PRDM16: variants seen among roughly 807,000 people sequenced by gnomAD.
PRDM16 encodes PR/SET domain 16.
PRDM16 carries 23 observed loss-of-function variants against 110.6 expected under a neutral mutation model. The ratio of observed to expected loss-of-function variants is 0.21; its 90% CI spans 0.15 to 0.29. The LOEUF (loss-of-function observed/expected upper bound fraction) is 0.29. Among genes scored for constraint, PRDM16 ranks in the 10% least tolerant of loss-of-function variants. PRDM16 has a pLI of 1.00. For synonymous variants in PRDM16, 799 were observed against 781.8 expected (o/e 1.02, Z -0.37); for missense variants, 1,615 against 1,794.3 (o/e 0.90, Z 1.81).
chr1:3,273,304 C>A (rs930721102), intron 3 of PRDM16, among the ~76,000 whole-genome samples: 1 of 152,174 alleles, frequency 6.6e-6, no homozygotes, highest in African/African-American at 2.4e-5. Context: ...GCCTGTTCTG[C>A]CATTCGAGGT....
rs111593284 is a variant in PRDM16, at chr1:3,327,358, C to T, written c.439-57794C>T. On this transcript the variant is annotated intron_variant, in intron 3 of 16. Transcript: ENST00000270722. ...AAGCCTGGAGCTCTGCAGCAGCCCT[C>T]GGGGGGTCCTGCCCCCTCTGCCTCC... 4.5e-3 allele frequency among the ~76,000 whole-genome samples: 681 copies of T among 152,208 alleles called. 21 individuals carry two copies. The East Asian group carries it at 0.073, about 16-fold the overall frequency.
chr1:3,317,002 A>C (rs1027275955), intron 3 of PRDM16, among the ~76,000 whole-genome samples: 20 of 152,166 alleles, frequency 1.3e-4, no homozygotes, highest in African/African-American at 4.3e-4. Flanking sequence ...AAGCAGTGAC[A>C]TGGGGTAGCC....
intron 3 of PRDM16, among the ~76,000 whole-genome samples, chr1:3,260,953 A>T (rs1345282168): frequency 2.0e-5 from 3 of 151,002 alleles, no homozygotes; most frequent in African/African-American, 7.3e-5. Context: ...CTCCATCATC[A>T]ACCAGCGTGA....
chr1:3,304,880 C>G (rs1402064557), intron 3 of PRDM16, among the ~76,000 whole-genome samples: 7 of 152,160 alleles, frequency 4.6e-5, no homozygotes, highest in African/African-American at 1.7e-4. Flanking sequence ...GGTGGCCTCC[C>G]AGGTGGACCC....
chr1:3,123,481 A>T (rs1386818000), intron 1 of PRDM16, among the ~76,000 whole-genome samples: 1 of 152,112 alleles, frequency 6.6e-6, no homozygotes, highest in East Asian at 1.9e-4. Flanking sequence ...TTCCTGGAGG[A>T]GGGGGCAGCC....
At chr1:3,335,512 T>A (rs1642125546) in intron 3 of PRDM16, among the ~76,000 whole-genome samples, 1 of 151,916 alleles carries the variant, frequency 6.6e-6, no homozygotes, top group Non-Finnish European at 1.5e-5. Flanking sequence ...TTATTTCTTT[T>A]AACTTTTGAC....
chr1:3,231,912 G>A (rs1245725310), intron 2 of PRDM16, among the ~76,000 whole-genome samples: 1 of 152,236 alleles, frequency 6.6e-6, no homozygotes, highest in African/African-American at 2.4e-5. Flanking sequence ...CAGTTGCATG[G>A]ACGTTGCAAG....
chr1:3,267,680 C>T (rs1484866472), intron 3 of PRDM16, among the ~76,000 whole-genome samples: 2 of 152,222 alleles, frequency 1.3e-5, no homozygotes, highest in Admixed American at 1.3e-4. Flanking sequence ...GCTGAAGGGG[C>T]GGCCCCTCCC....
intron 8 of PRDM16, among the ~76,000 whole-genome samples, chr1:3,409,667 G>A (rs2493297): frequency 0.4 from 60,352 of 151,376 alleles, 12,400 homozygotes; most frequent in Middle Eastern, 0.53. Context: ...TGGTGTGCGT[G>A]TCTGTGGTGT....
intron 3 of PRDM16, among the ~76,000 whole-genome samples, chr1:3,278,970 G>C (rs1016728121): frequency 6.6e-6 from 1 of 152,214 alleles, no homozygotes; most frequent in Non-Finnish European, 1.5e-5. Context: ...ACACGGTGCC[G>C]AGCGCGGCGC....
chr1:3,375,978 G>A (rs955271991), intron 3 of PRDM16, among the ~76,000 whole-genome samples: 1 of 152,308 alleles, frequency 6.6e-6, no homozygotes, highest in East Asian at 1.9e-4. Flanking sequence ...TGGGCTGTGG[G>A]CTGGCTGCCG....
chr1:3,251,032 G>A (rs944502230), intron 3 of PRDM16, among the ~76,000 whole-genome samples: 2 of 152,212 alleles, frequency 1.3e-5, no homozygotes, highest in Non-Finnish European at 2.9e-5. Flanking sequence ...GAGGCTTTAG[G>A]CTGAAACTTA....
In PRDM16 at chr1:3,244,149, C is replaced by T. The variant is rs780242283; in HGVS notation, c.438+12C>T. ...GCTGCATCACAAAGGTAGGAGAGCT[C>T]GCCCTGCGCCGTCTCAGCTCCCCAG... On this transcript the variant is annotated intron_variant, in intron 3 of 16. Transcript: ENST00000270722. The surrounding 1 kb of genome is among the most constrained non-coding windows in gnomAD (Gnocchi z 4.1). 8 of 1,613,178 alleles carry T rather than the reference C, an allele frequency of 5.0e-6. No individual in the cohort carries two copies. The highest frequency in any genetic ancestry group is 4.4e-5 in the South Asian group (4 of 91,082).
chr1:3,177,314 A>G (rs1644101867), intron 1 of PRDM16, among the ~76,000 whole-genome samples: 1 of 152,182 alleles, frequency 6.6e-6, no homozygotes, highest in South Asian at 2.1e-4. Flanking sequence ...GGACATGACG[A>G]AGGCCCTTAC....
At position 3,289,194 on chromosome 1, in the gene PRDM16, G is replaced by A. The variant is rs572924242; in HGVS notation, c.438+45057G>A. ...GAGGGAGACCCACCAGTGTGGCCAC[G>A]GGCAAGGCCCCTGATAAGGTCACAG... On this transcript the variant is annotated intron_variant, in intron 3 of 16. Transcript: ENST00000270722. Among the ~76,000 whole-genome samples, 41 of 152,312 alleles carry A rather than the reference G, an allele frequency of 2.7e-4. No individual in the cohort carries two copies. In the South Asian group the frequency reaches 4.4e-3, roughly 16 times the overall value.
intron 1 of PRDM16, among the ~76,000 whole-genome samples, chr1:3,088,994 G>GCTGGTC (rs1642213190): frequency 6.6e-6 from 1 of 151,152 alleles, no homozygotes; most frequent in African/African-American, 2.4e-5. Context: ...TGTTGGCCAG[G>GCTGGTC]CTGGTCTTGA....
intron 3 of PRDM16, among the ~76,000 whole-genome samples, chr1:3,247,786 G>A (rs1178896446): frequency 6.6e-6 from 1 of 152,224 alleles, no homozygotes; most frequent in African/African-American, 2.4e-5. Flanking sequence ...GCGCGTCACC[G>A]GCGCTTCCCA....
At chr1:3,304,179 T>C (rs1444826480) in intron 3 of PRDM16, among the ~76,000 whole-genome samples, 2 of 147,964 alleles carry the variant, frequency 1.4e-5, no homozygotes, top group East Asian at 4.1e-4. Flanking sequence ...CTTTAATCCT[T>C]GGGAACAGTG....
At chr1:3,356,121 A>G (rs946947486) in intron 3 of PRDM16, among the ~76,000 whole-genome samples, 10 of 151,946 alleles carry the variant, frequency 6.6e-5, no homozygotes, top group African/African-American at 2.2e-4. Context: ...TTTTCCCATG[A>G]CTCCCACGAG....
Sources: gnomAD v4.1 joint callset for allele counts (sites outside exome capture counted in the v4.1 genomes callset) on GRCh38, gnomAD v4.1.1 for gene constraint, Gnocchi (gnomAD v3.1) non-coding constraint, MANE v1.5 for transcripts, NCBI Gene and HGNC (gene_info 2026-07-23, HGNC 2026-07-21) for gene names.